Variants in CEP95 observed in about 807,000 individuals in gnomAD.
CEP95 encodes centrosomal protein of 95 kDa.
In CEP95, 98 loss-of-function variants were observed where a neutral mutation model predicts 111.2. That is an observed-to-expected ratio of 0.88 (90% CI 0.75 to 1.04). CEP95 has a LOEUF of 1.04. Ranked by LOEUF, CEP95 falls within the 50% of genes least tolerant of loss-of-function variation. CEP95 has a pLI of 0.00. For synonymous variants in CEP95, 323 were observed against 327.1 expected (o/e 0.99, Z 0.14); for missense variants, 1,027 against 977.2 (o/e 1.05, Z -0.68).
chr17:64,516,872 T>A (rs781947432), intron 5 of CEP95, 44 bp downstream of exon 5: 16 of 1,168,904 alleles, frequency 1.4e-5, no homozygotes, highest in Non-Finnish European at 2.0e-5. Flanking sequence ...AAGTTACGCT[T>A]TTTGGACTAA....
At chr17:64,528,156 G>C (rs1333164588) in intron 11 of CEP95, among the ~76,000 whole-genome samples, 1 of 152,038 alleles carries the variant, frequency 6.6e-6, no homozygotes, top group Non-Finnish European at 1.5e-5. Context: ...TACTTCTACT[G>C]TTTGATATGC....
At chr17:64,509,717 A>G (rs1555674173) in intron 2 of CEP95, among the ~76,000 whole-genome samples, 3 of 152,080 alleles carry the variant, frequency 2.0e-5, no homozygotes, top group African/African-American at 4.8e-5. Flanking sequence ...ATATGTGTAT[A>G]TATAAGAACG....
At position 64,529,288 on chromosome 17, in the gene CEP95, G is replaced by C. The variant is rs1968091790; in HGVS notation, c.1307G>C (p.Gly436Ala). The C allele has an allele frequency of 1.9e-6, 3 of 1,610,490 alleles. No homozygotes were observed. Among genetic ancestry groups the C allele is most frequent in the Non-Finnish European group, 2.5e-6 (3 of 1,178,714 alleles). The change falls in exon 12 of 20, where the codon GGA becomes GCA. Residue 436 changes from glycine to alanine, a missense_variant and splice_region_variant. Transcript: ENST00000556440. ...GTTATATGTCTTTTCTCTGTTGCAG[G>C]ACTTTCCATGCGTAGAAAGCCACCC... ...VEYGPKKSRP[G>A]LSMRRKPPYR... is the part of the protein sequence containing the mutation.
At chr17:64,507,355 C>T (rs2038606583) in intron 1 of CEP95, 6 of 1,419,232 alleles carry the variant, frequency 4.2e-6, no homozygotes, top group Non-Finnish European at 5.5e-6. Flanking sequence ...GCCGGTAGGA[C>T]ACTTGGGTCC....
intron 11 of CEP95, among the ~76,000 whole-genome samples, chr17:64,528,070 G>A (rs2144501582): frequency 6.6e-6 from 1 of 151,886 alleles, no homozygotes; most frequent in Middle Eastern, 3.4e-3. Context: ...CTTCACCACT[G>A]CCAACTTGCC....
chr17:64,529,566 T>G, intron 12 of CEP95, 139 bp downstream of exon 12: 1 of 840,020 alleles, frequency 1.2e-6, no homozygotes, highest in African/African-American at 1.7e-5. Context: ...TAGAGAGCTA[T>G]GTGACATAGC....
At chr17:64,511,345 A>C (rs2144345232) in intron 3 of CEP95, among the ~76,000 whole-genome samples, 1 of 152,310 alleles carries the variant, frequency 6.6e-6, no homozygotes, top group East Asian at 1.9e-4. Context: ...CAGTCTACAG[A>C]CCATAAAAGA....
At chr17:64,537,138 C>T (rs782581450) in intron 19 of CEP95, 26 bp downstream of exon 19, 3 of 1,603,590 alleles carry the variant, frequency 1.9e-6, no homozygotes, top group Admixed American at 3.4e-5. Context: ...GAAGCCAAGT[C>T]ATGCACTGCA....
chr17:64,536,990 T>G (rs540552346), intron 18 of CEP95, 51 bp from the exon 19 acceptor site: 1 of 1,507,250 alleles, frequency 6.6e-7, no homozygotes, highest in South Asian at 1.2e-5. Flanking sequence ...ATGTTACATT[T>G]GGACTACAAA....
chr17:64,531,581 A>G (rs1417137054), intron 13 of CEP95, among the ~76,000 whole-genome samples: 2 of 152,200 alleles, frequency 1.3e-5, no homozygotes, highest in Non-Finnish European at 2.9e-5. Context: ...ACATTGAAAC[A>G]TTAATGGTTA....
chr17:64,531,042 T>C, intron 13 of CEP95, 24 bp downstream of exon 13: 1 of 1,340,438 alleles, frequency 7.5e-7, no homozygotes, highest in Non-Finnish European at 1.0e-6. Context: ...TCCACTGTAA[T>C]AAATGCCATT....
chr17:64,518,404 T>C (rs1555676913), intron 5 of CEP95, among the ~76,000 whole-genome samples: 2 of 152,200 alleles, frequency 1.3e-5, no homozygotes, highest in Non-Finnish European at 2.9e-5. Flanking sequence ...CAGACTGTTT[T>C]CCAAAAAGGC....
chr17:64,508,356 T>C (rs1555673620), intron 1 of CEP95: 10 of 985,070 alleles, frequency 1.0e-5, no homozygotes, highest in Non-Finnish European at 1.2e-5. Context: ...ATTTGCAGTA[T>C]AGTTTTGACT....
chr17:64,513,138 G>C (rs1387574143), intron 3 of CEP95, among the ~76,000 whole-genome samples: 1 of 152,132 alleles, frequency 6.6e-6, no homozygotes, highest in African/African-American at 2.4e-5. Context: ...AAGATTTCTG[G>C]TTCATTGTTT....
chr17:64,510,150 T>G (rs1394089283), intron 2 of CEP95, 23 bp from the exon 3 acceptor site: 2 of 1,419,824 alleles, frequency 1.4e-6, no homozygotes, highest in East Asian at 2.3e-5. Context: ...GATACAAAAT[T>G]ATGTGATTTT....
At chr17:64,525,138 C>T (rs548085560) in intron 8 of CEP95, among the ~76,000 whole-genome samples, 26 of 151,944 alleles carry the variant, frequency 1.7e-4, no homozygotes, top group African/African-American at 6.0e-4. Context: ...GTCAGGAGTT[C>T]GAGACCAGCC....
At chr17:64,522,635 G>A in intron 7 of CEP95, 67 bp from the exon 8 acceptor site, 1 of 983,694 alleles carries the variant, frequency 1.0e-6, no homozygotes. Flanking sequence ...AGGTATGTAT[G>A]TATGTATATA....
At chr17:64,519,945 T>C (rs1460612625) in intron 6 of CEP95, among the ~76,000 whole-genome samples, 4 of 152,186 alleles carry the variant, frequency 2.6e-5, no homozygotes, top group African/African-American at 9.7e-5. Context: ...CTCCATCCTG[T>C]CCACCGTGGC....
Position 64,526,167 on chromosome 17 carries a change from A to G in CEP95, c.1119A>G (p.Glu373=), listed in dbSNP as rs1568144777. 1.2e-6 allele frequency: 2 copies of G among 1,613,302 alleles called. No individual in the cohort carries two copies. Among genetic ancestry groups the G allele is most frequent in the African/African-American group, 2.7e-5 (2 of 75,024 alleles). ...LTEQELHDVS[E]KLSQRLSELD... ...AACAAGAATTACATGATGTATCAGA[A>G]AAACTCTCTCAGCGGCTTTCTGAAC... Residue 373 remains glutamate, a synonymous_variant, in exon 10 of 20, where the codon GAA becomes GAG. Coordinates refer to ENST00000556440, the MANE Select transcript of CEP95 (RefSeq NM_138363.3).
Sources: allele counts gnomAD v4.1 joint callset (sites outside exome capture counted in the v4.1 genomes callset), GRCh38; gene constraint gnomAD v4.1.1; transcripts MANE v1.5; gene names NCBI Gene and HGNC (gene_info 2026-07-23, HGNC 2026-07-21).